The following CNBD1 variants were observed in gnomAD, a reference collection of about 807,000 sequenced individuals.
CNBD1 encodes the protein cyclic nucleotide binding domain containing 1.
In CNBD1, 71 loss-of-function variants were observed where a neutral mutation model predicts 54.4. The ratio of observed to expected loss-of-function variants is 1.30; its 90% CI spans 1.08 to 1.59. The LOEUF (loss-of-function observed/expected upper bound fraction) is 1.59, where lower values mean the gene tolerates loss of function less well. CNBD1 is among the 40% of genes most tolerant of loss of function. The probability of loss-of-function intolerance (pLI) is 0.00; values close to 1 mark genes in which losing one functional copy is unlikely to be tolerated. For missense variants in CNBD1, 659 were observed against 518.0 expected, an observed-to-expected ratio of 1.27 and a Z score of -2.64; for synonymous variants, 182 against 170.7, an observed-to-expected ratio of 1.07 and a Z score of -0.51.
chr8:87,343,717 T>C (rs1810114250), intron 8 of CNBD1, among the ~76,000 whole-genome samples: 2 of 152,310 alleles, frequency 1.3e-5, no homozygotes, highest in South Asian at 4.1e-4. Flanking sequence ...CTATCAGTAA[T>C]CATTTTAAAA....
intron 4 of CNBD1, among the ~76,000 whole-genome samples, chr8:87,172,691 T>A (rs1156338860): frequency 6.6e-6 from 1 of 152,132 alleles, no homozygotes; most frequent in Non-Finnish European, 1.5e-5. Context: ...GTATAACTAC[T>A]CCTGTTCTTT....
chr8:87,130,417 C>T (rs1812094007), intron 4 of CNBD1, among the ~76,000 whole-genome samples: 2 of 152,074 alleles, frequency 1.3e-5, no homozygotes, highest in Admixed American at 1.3e-4. Flanking sequence ...TCAGCCAAGT[C>T]ATAGTGGATA....
intron 4 of CNBD1, among the ~76,000 whole-genome samples, chr8:87,051,426 A>G (rs1586223505): frequency 1.3e-5 from 2 of 152,110 alleles, no homozygotes; most frequent in Admixed American, 1.3e-4. Flanking sequence ...GCACTAGAGG[A>G]ATTAAAGACA....
intron 3 of CNBD1, among the ~76,000 whole-genome samples, chr8:86,935,398 T>C (rs1809529674): frequency 6.6e-6 from 1 of 152,186 alleles, no homozygotes; most frequent in Non-Finnish European, 1.5e-5. Flanking sequence ...AGGAGTTTTC[T>C]TTGTAGGAAG....
intron 3 of CNBD1, among the ~76,000 whole-genome samples, chr8:86,905,597 C>G (rs901025026): frequency 2.6e-5 from 4 of 152,034 alleles, no homozygotes; most frequent in African/African-American, 4.8e-5. Flanking sequence ...TCATGGGGCA[C>G]TGAAAGGCAT....
At chr8:87,363,625 A>G (rs994163603) in intron 10 of CNBD1, among the ~76,000 whole-genome samples, 1 of 151,660 alleles carries the variant, frequency 6.6e-6, no homozygotes, top group East Asian at 1.9e-4. Flanking sequence ...GCTTTTTTTC[A>G]TATGTTTGTT....
At chr8:87,238,049 T>G (rs1356120886) in intron 6 of CNBD1, among the ~76,000 whole-genome samples, 1 of 137,810 alleles carries the variant, frequency 7.3e-6, no homozygotes, top group Non-Finnish European at 1.5e-5. Flanking sequence ...CAGCTGTAAT[T>G]AGGGCTTCAA....
intron 10 of CNBD1, among the ~76,000 whole-genome samples, chr8:87,377,948 C>T (rs1216444490): frequency 2.1e-5 from 3 of 145,982 alleles, no homozygotes; most frequent in Non-Finnish European, 4.5e-5. Context: ...GCATAAATGT[C>T]TTCTTTTGAG....
intron 4 of CNBD1, among the ~76,000 whole-genome samples, chr8:87,122,442 C>T (rs1811908848): frequency 6.6e-6 from 1 of 151,806 alleles, no homozygotes. Flanking sequence ...TGGATATTAA[C>T]TTACCAGGTG....
In CNBD1 at chr8:86,963,260, G is replaced by A. The variant is rs112038483; in HGVS notation, c.431+23506G>A. 3.7e-4 allele frequency among the ~76,000 whole-genome samples: 56 copies of A among 152,166 alleles called. 1 individual carries two copies. Among genetic ancestry groups the A allele is most frequent in the South Asian group, 1.2e-3 (6 of 4,828 alleles). Reference sequence around the variant, plus strand: ...GCAGAGCCTAAGCCTCCCACTCTCCGTCACATTTGAGTTCCCTAGACCCTA... The same window carrying A: ...GCAGAGCCTAAGCCTCCCACTCTCCATCACATTTGAGTTCCCTAGACCCTA... On this transcript the variant is annotated intron_variant, in intron 4 of 10. Coordinates refer to ENST00000518476, the MANE Select transcript of CNBD1 (RefSeq NM_173538.3).
intron 2 of CNBD1, among the ~76,000 whole-genome samples, chr8:87,396,353 CTTAAA>C (rs1416434948): frequency 6.6e-6 from 1 of 151,856 alleles, no homozygotes; most frequent in Non-Finnish European, 1.5e-5. Flanking sequence ...CAGAATTTCC[CTTAAA>C]TTATTCTGAC....
intron 10 of CNBD1, among the ~76,000 whole-genome samples, chr8:87,373,399 A>G (rs1322600102): frequency 6.6e-6 from 1 of 151,874 alleles, no homozygotes; most frequent in Non-Finnish European, 1.5e-5. Context: ...TTTTAAAGGC[A>G]TTATCACAAA....
intron 6 of CNBD1, among the ~76,000 whole-genome samples, chr8:87,272,062 T>C (rs1448896343): frequency 6.6e-6 from 1 of 151,928 alleles, no homozygotes; most frequent in Non-Finnish European, 1.5e-5. Flanking sequence ...AGATAAAATG[T>C]AGGCTGGTGG....
chr8:87,176,967 A>G (rs185328287), intron 4 of CNBD1, among the ~76,000 whole-genome samples: 3 of 152,278 alleles, frequency 2.0e-5, no homozygotes, highest in African/African-American at 4.8e-5. Context: ...GAAGAAAATG[A>G]TATCTAGAAC....
At chr8:86,987,981 G>A (rs116310214) in intron 4 of CNBD1, among the ~76,000 whole-genome samples, 2,891 of 152,080 alleles carry the variant, frequency 0.019, 90 homozygotes, top group African/African-American at 0.059. Context: ...CAGTCTTCCC[G>A]ATTTTGGTAT....
chr8:87,361,423 T>C (rs899622248), intron 10 of CNBD1, among the ~76,000 whole-genome samples: 4 of 151,404 alleles, frequency 2.6e-5, no homozygotes, highest in African/African-American at 9.7e-5. Flanking sequence ...CAGAGGAAAA[T>C]GAAATAACAC....
At chr8:86,879,134 T>A (rs1808566928) in intron 1 of CNBD1, among the ~76,000 whole-genome samples, 1 of 152,174 alleles carries the variant, frequency 6.6e-6, no homozygotes, top group Non-Finnish European at 1.5e-5. Context: ...TTTCTTGATT[T>A]GATTTTCATT....
chr8:87,424,841 G>T (rs1191127848), intron 2 of CNBD1, among the ~76,000 whole-genome samples: 1 of 152,046 alleles, frequency 6.6e-6, no homozygotes, highest in Non-Finnish European at 1.5e-5. Flanking sequence ...GGCATTCTCT[G>T]TATTTCCTGA....
intron 4 of CNBD1, among the ~76,000 whole-genome samples, chr8:87,155,536 G>C (rs776093922): frequency 2.0e-5 from 3 of 152,176 alleles, no homozygotes; most frequent in Non-Finnish European, 4.4e-5. Context: ...TGAATGAACA[G>C]AATTAGGAGA....
Sources: gnomAD v4.1 joint callset for allele counts (sites outside exome capture counted in the v4.1 genomes callset) on GRCh38, gnomAD v4.1.1 for gene constraint, MANE v1.5 for transcripts, NCBI Gene and HGNC (gene_info 2026-07-23, HGNC 2026-07-21) for gene names.